The following ACOT13 variants were observed in gnomAD, a reference collection of about 807,000 sequenced individuals.
ACOT13 encodes acyl-CoA thioesterase 13, also known as acyl-coenzyme A thioesterase 13.
In ACOT13, 10 loss-of-function variants were observed where a neutral mutation model predicts 11.8. That is an observed-to-expected ratio of 0.85 (90% confidence interval 0.53 to 1.44). ACOT13 has a LOEUF of 1.44. ACOT13 is among the 40% of genes most tolerant of loss of function. The probability of loss-of-function intolerance (pLI) is 0.00; values close to 1 mark genes in which losing one functional copy is unlikely to be tolerated. For synonymous variants in ACOT13, 53 were observed against 61.0 expected (o/e 0.87, Z 0.61); for missense variants, 172 against 174.1 (o/e 0.99, Z 0.07).
At chr6:24,671,818 A>G (rs367733460) in intron 1 of ACOT13, among the ~76,000 whole-genome samples, 2 of 152,200 alleles carry the variant, frequency 1.3e-5, no homozygotes, top group East Asian at 1.9e-4. Flanking sequence ...TGTAGCACAC[A>G]ATAATTTTAA....
At chr6:24,692,595 T>A (rs1270598145) in intron 1 of ACOT13, among the ~76,000 whole-genome samples, 1 of 151,846 alleles carries the variant, frequency 6.6e-6, no homozygotes, top group South Asian at 2.1e-4. Context: ...TTTTAAAAAA[T>A]TTTTCTAGAG....
intron 2 of ACOT13, among the ~76,000 whole-genome samples, 194 bp downstream of exon 2, chr6:24,698,261 G>T (rs1049985068): frequency 3.3e-5 from 5 of 152,210 alleles, no homozygotes; most frequent in African/African-American, 1.2e-4. Flanking sequence ...TGCAAGTACA[G>T]TGTGTATCAA....
chr6:24,670,937 G>A (rs914657695), intron 1 of ACOT13, among the ~76,000 whole-genome samples: 6 of 152,020 alleles, frequency 3.9e-5, no homozygotes, highest in Non-Finnish European at 5.9e-5. Flanking sequence ...CAAAGTTAAT[G>A]GAGACCTGCA....
intron 1 of ACOT13, among the ~76,000 whole-genome samples, chr6:24,670,304 T>G (rs1185150223): frequency 1.3e-5 from 2 of 152,240 alleles, no homozygotes; most frequent in Non-Finnish European, 2.9e-5. Flanking sequence ...AAAGCCAAGC[T>G]CAGCCATGGA....
chr6:24,668,700 G>T (rs1374764027), intron 1 of ACOT13, among the ~76,000 whole-genome samples: 1 of 152,250 alleles, frequency 6.6e-6, no homozygotes, highest in East Asian at 1.9e-4. Flanking sequence ...CTAAAGTGAA[G>T]TTACAAAGTT....
chr6:24,675,849 T>A (rs1170052835), intron 1 of ACOT13, among the ~76,000 whole-genome samples: 1 of 152,256 alleles, frequency 6.6e-6, no homozygotes, highest in Non-Finnish European at 1.5e-5. Flanking sequence ...AGGGTTTTTA[T>A]GGTTTTAAGC....
At chr6:24,684,879 G>A (rs1240431454) in intron 1 of ACOT13, among the ~76,000 whole-genome samples, 1 of 152,118 alleles carries the variant, frequency 6.6e-6, no homozygotes, top group Non-Finnish European at 1.5e-5. Flanking sequence ...AGGCATGATA[G>A]TGCGTAGATG....
intron 1 of ACOT13, among the ~76,000 whole-genome samples, chr6:24,668,841 A>T (rs565814936): frequency 6.6e-6 from 1 of 152,308 alleles, no homozygotes; most frequent in East Asian, 1.9e-4. Context: ...TCTTAGCGTA[A>T]TTTTGCTTTT....
At chr6:24,677,810 C>G (rs1001579764) in intron 1 of ACOT13, among the ~76,000 whole-genome samples, 8 of 152,152 alleles carry the variant, frequency 5.3e-5, no homozygotes, top group Admixed American at 4.6e-4. Context: ...GCCAAGGAAC[C>G]CTCTTAGTTG....
At chr6:24,673,753 C>T (rs1423876372) in intron 1 of ACOT13, among the ~76,000 whole-genome samples, 1 of 152,178 alleles carries the variant, frequency 6.6e-6, no homozygotes, top group Non-Finnish European at 1.5e-5. Context: ...TCTTTTTTAA[C>T]ATGAAGCCCA....
chr6:24,700,674 G>T (rs1223523392), intron 2 of ACOT13, among the ~76,000 whole-genome samples: 1 of 152,020 alleles, frequency 6.6e-6, no homozygotes, highest in Non-Finnish European at 1.5e-5. Context: ...GCCCTCAGGT[G>T]ATCTGCCCAC....
intron 1 of ACOT13, among the ~76,000 whole-genome samples, chr6:24,689,411 C>T (rs947656561): frequency 2.0e-5 from 3 of 151,764 alleles, no homozygotes; most frequent in East Asian, 1.9e-4. Context: ...CACTTAAGCC[C>T]AGGAGTTTGA....
At chr6:24,672,510 G>A (rs889237172) in intron 1 of ACOT13, among the ~76,000 whole-genome samples, 18 of 152,210 alleles carry the variant, frequency 1.2e-4, no homozygotes, top group Middle Eastern at 3.4e-3. Flanking sequence ...GTGGTGGCAC[G>A]CGTCTGTAGT....
chr6:24,701,842 T>G lies in ACOT13; in HGVS notation c.*227T>G, dbSNP rs1479569171. 2.4e-6 allele frequency: 1 copy of G among 417,620 alleles called. No homozygotes were observed. The highest frequency in any genetic ancestry group is 4.2e-6 in the Non-Finnish European group (1 of 236,590). 25.9% of individuals were successfully genotyped at this position (417,620 alleles called of 1,614,324 possible). ...GATAATTGGGTGAAAAATTCTTAGC[T>G]CAAAGTGTTTTAAAAACAGGTAAAG... On this transcript the variant is annotated 3_prime_UTR_variant, in exon 3 of 3. Coordinates refer to ENST00000230048, the MANE Select transcript of ACOT13 (RefSeq NM_018473.4).
Position 24,701,677 on chromosome 6 carries a change from A to T in ACOT13, c.*62A>T. 1.4e-6 allele frequency: 2 copies of T among 1,459,744 alleles called. No homozygotes were observed. Among genetic ancestry groups the T allele is most frequent in the South Asian group, 2.8e-5 (2 of 70,378 alleles). The allele number at this position is 1,459,744 out of a possible 1,614,324, so 90.4% of individuals were successfully genotyped here. ...AATATCAAGTATAGATTTGACTCAA[A>T]CAATTGTAATTTTTGAAATAAACTA... On this transcript the variant is annotated 3_prime_UTR_variant, in exon 3 of 3. Coordinates refer to ENST00000230048, the MANE Select transcript of ACOT13 (RefSeq NM_018473.4).
chr6:24,698,136 A>G, intron 2 of ACOT13, 69 bp downstream of exon 2: 1 of 1,309,816 alleles, frequency 7.6e-7, no homozygotes, highest in Non-Finnish European at 1.0e-6. Context: ...GACTAAACAC[A>G]TTTATATTAT....
intron 1 of ACOT13, among the ~76,000 whole-genome samples, chr6:24,672,911 G>C (rs9358789): frequency 0.38 from 57,379 of 152,014 alleles, 12,212 homozygotes; most frequent in Non-Finnish European, 0.5. Context: ...ATTTCTGGCC[G>C]TGTATCTCAG....
intron 1 of ACOT13, among the ~76,000 whole-genome samples, chr6:24,674,485 T>G (rs980430155): frequency 2.6e-5 from 4 of 152,182 alleles, no homozygotes; most frequent in African/African-American, 9.7e-5. Flanking sequence ...TTCAGCTGAG[T>G]GCAGCGTCTG....
intron 1 of ACOT13, among the ~76,000 whole-genome samples, chr6:24,685,011 TA>T (rs901015968): frequency 6.6e-6 from 1 of 152,090 alleles, no homozygotes; most frequent in Non-Finnish European, 1.5e-5. Context: ...ACCCTGTCTC[TA>T]AAAAAAATTT....
Sources: gnomAD v4.1 joint callset for allele counts (sites outside exome capture counted in the v4.1 genomes callset) on GRCh38, gnomAD v4.1.1 for gene constraint, MANE v1.5 for transcripts, NCBI Gene and HGNC (gene_info 2026-07-23, HGNC 2026-07-21) for gene names.